The following CNTN3 variants were observed in gnomAD, a reference collection of about 807,000 sequenced individuals.
CNTN3 encodes contactin 3, also known as contactin-3.
Under a neutral mutation model 119.1 loss-of-function variants are expected in CNTN3, and 60 were observed. The observed-to-expected ratio is 0.50, with a 90% CI of 0.41 to 0.62. The LOEUF is 0.62. CNTN3 is among the 20% of genes least tolerant of loss of function. The pLI is 0.00. For missense variants in CNTN3, 1,101 were observed against 1,242.4 expected (o/e 0.89, Z 1.71); for synonymous variants, 450 against 438.7 (o/e 1.03, Z -0.32).
intron 5 of CNTN3, among the ~76,000 whole-genome samples, chr3:74,376,602 T>C (rs1167951157): frequency 6.6e-6 from 1 of 152,086 alleles, no homozygotes; most frequent in Non-Finnish European, 1.5e-5. Context: ...GTGAGTTGTA[T>C]AATTATTATA....
At chr3:74,405,346 C>A (rs528712975) in intron 5 of CNTN3, among the ~76,000 whole-genome samples, 1 of 152,092 alleles carries the variant, frequency 6.6e-6, no homozygotes, top group Admixed American at 6.5e-5. Context: ...TATACATACA[C>A]ACATACATGG....
intron 1 of CNTN3, among the ~76,000 whole-genome samples, chr3:74,596,719 C>G (rs550069197): frequency 7.8e-4 from 118 of 152,070 alleles, no homozygotes; most frequent in Admixed American, 1.4e-3. Context: ...AAAAACACCT[C>G]AAAATACAGT....
intron 5 of CNTN3, among the ~76,000 whole-genome samples, chr3:74,399,677 G>A (rs146632665): frequency 4.6e-5 from 7 of 152,236 alleles, no homozygotes; most frequent in South Asian, 2.1e-4. Flanking sequence ...TTGCTGGGTC[G>A]AATGGTATTC....
At chr3:74,606,874 G>A (rs1705000976) in intron 1 of CNTN3, among the ~76,000 whole-genome samples, 1 of 151,898 alleles carries the variant, frequency 6.6e-6, no homozygotes, top group Non-Finnish European at 1.5e-5. Flanking sequence ...AATTTCACAG[G>A]GCAACTGCTG....
At chr3:74,515,407 G>T (rs1703433855) in intron 2 of CNTN3, among the ~76,000 whole-genome samples, 1 of 151,970 alleles carries the variant, frequency 6.6e-6, no homozygotes, top group Admixed American at 6.6e-5. Context: ...ACACTGGTGA[G>T]CATTTTCATA....
intron 1 of CNTN3, among the ~76,000 whole-genome samples, chr3:74,576,295 C>G (rs532469588): frequency 6.6e-6 from 1 of 152,280 alleles, no homozygotes; most frequent in African/African-American, 2.4e-5. Flanking sequence ...ACACAGTCCC[C>G]TGAACTTGAG....
chr3:74,379,259 G>A (rs147536595), intron 5 of CNTN3, among the ~76,000 whole-genome samples: 3 of 152,200 alleles, frequency 2.0e-5, no homozygotes, highest in African/African-American at 7.2e-5. Flanking sequence ...GGGTTCAAGT[G>A]ATTCTCCTGC....
intron 13 of CNTN3, among the ~76,000 whole-genome samples, chr3:74,328,399 T>C (rs1703180781): frequency 6.6e-6 from 1 of 152,352 alleles, no homozygotes; most frequent in East Asian, 1.9e-4. Context: ...AATTAACATT[T>C]GTTGCACTCT....
intron 4 of CNTN3, among the ~76,000 whole-genome samples, chr3:74,476,623 C>G (rs1702660189): frequency 6.6e-6 from 1 of 152,030 alleles, no homozygotes; most frequent in African/African-American, 2.4e-5. Context: ...CAAAACAACA[C>G]TATGAATGAA....
In CNTN3 at chr3:74,584,913, T is replaced by G. The variant is rs1704569946; in HGVS notation, c.-81+29478A>C. The stretch of plus-strand genomic sequence containing the variant: ...CCCTGGCTCTTTCCATCTTCCATCA[T>G]AATATCCTCAGTAAATTGGCCAATC... On this transcript the variant is annotated intron_variant, in intron 1 of 22. Transcript: ENST00000263665. Among the ~76,000 whole-genome samples, 3 of 152,160 alleles carry G rather than the reference T, an allele frequency of 2.0e-5. No individual in the cohort carries two copies. In the South Asian group the frequency reaches 6.2e-4, roughly 31 times the overall value.
intron 1 of CNTN3, among the ~76,000 whole-genome samples, chr3:74,563,294 T>C (rs1704180000): frequency 6.6e-6 from 1 of 152,148 alleles, no homozygotes; most frequent in Non-Finnish European, 1.5e-5. Flanking sequence ...CTACATTAGC[T>C]CTTCGCATTG....
intron 4 of CNTN3, among the ~76,000 whole-genome samples, chr3:74,482,502 T>G (rs1702779865): frequency 1.3e-5 from 2 of 152,096 alleles, no homozygotes; most frequent in Admixed American, 1.3e-4. Context: ...ACTTTCATTT[T>G]ATCACAACCA....
intron 19 of CNTN3, among the ~76,000 whole-genome samples, chr3:74,286,750 C>T (rs1271132667): frequency 6.6e-6 from 1 of 152,204 alleles, no homozygotes. Flanking sequence ...GGCAAATCCA[C>T]TCCAGGGGAG....
At chr3:74,286,663 T>TAATTTTCCAGAACTGAAGAAACGCAGC (rs1402464280) in intron 19 of CNTN3, among the ~76,000 whole-genome samples, 1 of 152,176 alleles carries the variant, frequency 6.6e-6, no homozygotes, top group Admixed American at 6.5e-5. Flanking sequence ...AAAAGGCTGA[T>TAATTTTCCAGAACTGAAGAAACGCAGC]AATTTTCCAG....
At chr3:74,317,521 A>T (rs927908708) in intron 13 of CNTN3, among the ~76,000 whole-genome samples, 2 of 152,000 alleles carry the variant, frequency 1.3e-5, no homozygotes, top group Non-Finnish European at 2.9e-5. Context: ...GAGCTCTTTT[A>T]GGGCAGGCCT....
chr3:74,457,588 TCTA>T (rs1400353069), intron 4 of CNTN3, among the ~76,000 whole-genome samples: 1 of 144,126 alleles, frequency 6.9e-6, no homozygotes, highest in Non-Finnish European at 1.5e-5. Flanking sequence ...TGGAGTCATT[TCTA>T]CTACACTTTC....
intron 4 of CNTN3, among the ~76,000 whole-genome samples, chr3:74,442,331 C>G (rs1701981621): frequency 6.6e-6 from 1 of 152,098 alleles, no homozygotes. Context: ...CATGTCAGCT[C>G]TGCTTGCATT....
intron 4 of CNTN3, among the ~76,000 whole-genome samples, chr3:74,485,192 A>G (rs1702830510): frequency 6.6e-6 from 1 of 151,992 alleles, no homozygotes; most frequent in Non-Finnish European, 1.5e-5. Context: ...AACCATGGAA[A>G]TTGCACTAAA....
chr3:74,542,327 C>T (rs1703854488), intron 1 of CNTN3, among the ~76,000 whole-genome samples: 2 of 152,060 alleles, frequency 1.3e-5, no homozygotes, highest in South Asian at 4.1e-4. Flanking sequence ...TGAAGAGCCA[C>T]CAAGGCTTGG....
Sources: gnomAD v4.1 joint callset for allele counts (sites outside exome capture counted in the v4.1 genomes callset) on GRCh38, gnomAD v4.1.1 for gene constraint, MANE v1.5 for transcripts, NCBI Gene and HGNC (gene_info 2026-07-23, HGNC 2026-07-21) for gene names.